RIPOR2: variants seen among roughly 807,000 people sequenced by gnomAD.
The protein encoded by RIPOR2 is RHO family interacting cell polarization regulator 2, also known as rho family-interacting cell polarization regulator 2.
RIPOR2 carries 39 observed loss-of-function variants against 114.5 expected under a neutral mutation model. The ratio of observed to expected loss-of-function variants is 0.34; its 90% CI spans 0.26 to 0.44. The LOEUF is 0.44. RIPOR2 is among the 20% of genes least tolerant of loss of function. The pLI is 1.00. For missense variants in RIPOR2, 1,007 were observed against 1,255.1 expected, an observed-to-expected ratio of 0.80 and a Z score of 2.99; for synonymous variants, 445 against 484.4, an observed-to-expected ratio of 0.92 and a Z score of 1.07.
chr6:25,011,314 G>A (rs1581948495), intron 1 of RIPOR2, among the ~76,000 whole-genome samples: 1 of 152,198 alleles, frequency 6.6e-6, no homozygotes, highest in East Asian at 1.9e-4. Context: ...ATATATGTGT[G>A]TGCATTGTAA....
At chr6:25,014,449 C>T (rs949334952) in intron 1 of RIPOR2, among the ~76,000 whole-genome samples, 7 of 152,234 alleles carry the variant, frequency 4.6e-5, no homozygotes, top group Middle Eastern at 3.4e-3. Flanking sequence ...GCTACCTTAT[C>T]GAAATAATGA....
At chr6:24,876,744 G>A (rs1765805531) in intron 1 of RIPOR2, among the ~76,000 whole-genome samples, 1 of 152,188 alleles carries the variant, frequency 6.6e-6, no homozygotes, top group Non-Finnish European at 1.5e-5. Flanking sequence ...CGGGGGGAAG[G>A]TAAGAGGAAA....
chr6:24,832,301 C>T lies in RIPOR2; in HGVS notation c.2299G>A (p.Ala767Thr). 1 of 1,551,832 alleles carries T rather than the reference C, an allele frequency of 6.4e-7. No homozygotes were observed. The highest frequency in any genetic ancestry group is 8.7e-7 in the Non-Finnish European group (1 of 1,146,964). The change falls in exon 16 of 22, where the codon GCT (alanine) becomes ACT (threonine). Residue 767 changes from alanine to threonine, a missense_variant. Ala to Thr is a moderately conservative substitution (Grantham distance 58, BLOSUM62 0). Transcript: ENST00000643898. ...TTTCCTATGTTCTCATCACTGACAG[C>T]TGCGAGTTTCTCCATCACTTGGATC... ...RQIQVMEKLA[A>T]VSDENIGNIS...
At chr6:25,030,615 G>A (rs936328101) in intron 1 of RIPOR2, among the ~76,000 whole-genome samples, 2 of 152,186 alleles carry the variant, frequency 1.3e-5, no homozygotes, top group Admixed American at 1.3e-4. Context: ...AGACTCAAAA[G>A]GCTACATACT....
chr6:24,977,079 G>A (rs1034891757), intron 1 of RIPOR2: 1 of 1,235,536 alleles, frequency 8.1e-7, no homozygotes, highest in Non-Finnish European at 1.2e-6. Flanking sequence ...CAGTATCTTT[G>A]TGCTCTTGCT....
intron 15 of RIPOR2, among the ~76,000 whole-genome samples, chr6:24,834,476 C>A (rs891311770): frequency 6.6e-6 from 1 of 151,986 alleles, no homozygotes; most frequent in Non-Finnish European, 1.5e-5. Flanking sequence ...GACACTTTTT[C>A]TTTTCTTTTC....
At chr6:24,902,990 G>A (rs1768624982) in intron 1 of RIPOR2, among the ~76,000 whole-genome samples, 1 of 152,190 alleles carries the variant, frequency 6.6e-6, no homozygotes, top group Admixed American at 6.5e-5. Flanking sequence ...ATTCCAAAAT[G>A]TAGTGGCCTG....
chr6:24,853,453 A>T (rs4712862), intron 8 of RIPOR2, among the ~76,000 whole-genome samples: 125,565 of 152,242 alleles, frequency 0.82, 51,867 homozygotes, highest in Middle Eastern at 0.84. Flanking sequence ...TAAGGGTCTA[A>T]GCTAGGCATC....
intron 1 of RIPOR2, among the ~76,000 whole-genome samples, chr6:24,932,547 CA>C (rs1771485465): frequency 6.6e-6 from 1 of 152,050 alleles, no homozygotes; most frequent in African/African-American, 2.4e-5. Context: ...CCTTTAACCA[CA>C]AAAAACAATT....
chr6:24,990,175 C>A (rs1774738828), intron 1 of RIPOR2, among the ~76,000 whole-genome samples: 1 of 152,074 alleles, frequency 6.6e-6, no homozygotes, highest in African/African-American at 2.4e-5. Flanking sequence ...TTGGCTTATC[C>A]AAAATGATGT....
chr6:24,885,152 G>C (rs764353044), intron 1 of RIPOR2, among the ~76,000 whole-genome samples: 11 of 152,116 alleles, frequency 7.2e-5, no homozygotes, highest in Non-Finnish European at 1.5e-4. Context: ...TACATAAAGC[G>C]GATTGGAGAC....
intron 1 of RIPOR2, among the ~76,000 whole-genome samples, chr6:24,927,576 C>T (rs1354233108): frequency 1.3e-5 from 2 of 151,788 alleles, no homozygotes; most frequent in African/African-American, 4.8e-5. Flanking sequence ...ACCACCACCA[C>T]AATTATTATT....
chr6:25,005,734 T>TAC (rs1554130543), intron 1 of RIPOR2, among the ~76,000 whole-genome samples: 4 of 97,682 alleles, frequency 4.1e-5, no homozygotes, highest in Non-Finnish European at 6.9e-5. Context: ...TATATATATA[T>TAC]ATATATACAT....
intron 1 of RIPOR2, among the ~76,000 whole-genome samples, chr6:24,942,571 C>G (rs181782298): frequency 3.3e-5 from 5 of 152,298 alleles, no homozygotes. Flanking sequence ...CTCTCCAGCA[C>G]CTGTTGTTTC....
intron 1 of RIPOR2, among the ~76,000 whole-genome samples, chr6:24,912,189 T>C (rs1269643686): frequency 1.3e-5 from 2 of 152,096 alleles, no homozygotes; most frequent in Non-Finnish European, 2.9e-5. Context: ...AGACTGTGAG[T>C]TCATAGGGCA....
chr6:24,984,219 T>C (rs111274818), intron 1 of RIPOR2, among the ~76,000 whole-genome samples: 9,143 of 152,284 alleles, frequency 0.06, 911 homozygotes, highest in African/African-American at 0.2. Flanking sequence ...ACAGGCTTTG[T>C]GTGAGCAACA....
intron 1 of RIPOR2, among the ~76,000 whole-genome samples, chr6:24,970,596 T>C (rs946401336): frequency 6.6e-6 from 1 of 152,090 alleles, no homozygotes; most frequent in African/African-American, 2.4e-5. Context: ...CCTGGGTCAA[T>C]CAGTTTATAG....
At chr6:24,992,755 C>A (rs562229813) in intron 1 of RIPOR2, among the ~76,000 whole-genome samples, 19 of 152,234 alleles carry the variant, frequency 1.2e-4, no homozygotes, top group Non-Finnish European at 1.5e-5. Context: ...CCCTAATAGC[C>A]AAGGCAATCC....
chr6:24,847,690 C>A lies in RIPOR2; in HGVS notation c.1164+335G>T, dbSNP rs1183902352. ...CTTGTCTGGGGAAGGATGCAGCCAC[C>A]TCTTCAGAAGTGAAAGCAAGATGGG... On this transcript the variant is annotated intron_variant, in intron 12 of 21. Transcript: ENST00000643898. 1.3e-6 allele frequency: 2 copies of A among 1,550,176 alleles called. No individual in the cohort carries two copies. The highest frequency in any genetic ancestry group is 8.7e-7 in the Non-Finnish European group (1 of 1,145,664).
Sources: gnomAD v4.1 joint callset for allele counts (sites outside exome capture counted in the v4.1 genomes callset) on GRCh38, gnomAD v4.1.1 for gene constraint, MANE v1.5 for transcripts, NCBI Gene and HGNC (gene_info 2026-07-23, HGNC 2026-07-21) for gene names.